Variants in OLFM3 observed in about 807,000 individuals in gnomAD.
OLFM3 encodes noelin-3.
OLFM3 carries 20 observed loss-of-function variants against 48.6 expected under a neutral mutation model. The ratio of observed to expected loss-of-function variants is 0.41; its 90% CI spans 0.29 to 0.60. The LOEUF (loss-of-function observed/expected upper bound fraction) is 0.60, where lower values mean the gene tolerates loss of function less well. OLFM3 is among the 20% of genes least tolerant of loss of function. The pLI is 0.28. For synonymous variants in OLFM3, 222 were observed against 198.1 expected (o/e 1.12, Z -1.01); for missense variants, 437 against 544.3 (o/e 0.80, Z 1.96).
chr1:101,919,093 A>C (rs902960221), intron 1 of OLFM3, among the ~76,000 whole-genome samples: 1 of 152,332 alleles, frequency 6.6e-6, no homozygotes, highest in African/African-American at 2.4e-5. Flanking sequence ...AAATCTTACT[A>C]TCAGAAAGCA....
chr1:101,827,657 T>G lies in OLFM3; in HGVS notation c.373-2412A>C, dbSNP rs145766454. Reference sequence around the variant, plus strand: ...GAAATAAATAAACTCCACAAATATATGTTGAGCACCTAATTATTATTATTT... The same window carrying G: ...GAAATAAATAAACTCCACAAATATAGGTTGAGCACCTAATTATTATTATTT... On this transcript the variant is annotated intron_variant, in intron 3 of 5. Coordinates refer to ENST00000370103, the MANE Select transcript of OLFM3 (RefSeq NM_058170.4). Among the ~76,000 whole-genome samples the G allele has an allele frequency of 2.4e-4, 36 of 152,328 alleles. 1 individual carries two copies. In the East Asian group the frequency reaches 6.6e-3, roughly 28 times the overall value.
At chr1:101,910,088 C>T (rs986264921) in intron 1 of OLFM3, 2 of 983,860 alleles carry the variant, frequency 2.0e-6, no homozygotes, top group Non-Finnish European at 2.4e-6. Flanking sequence ...TCTTCATATC[C>T]CTTGTCTCAG....
chr1:101,886,310 A>G (rs1393189561), intron 1 of OLFM3, among the ~76,000 whole-genome samples: 1 of 152,086 alleles, frequency 6.6e-6, no homozygotes, highest in Non-Finnish European at 1.5e-5. Flanking sequence ...AAGTTAACTA[A>G]TACTTAATTT....
At chr1:101,847,196 A>T (rs1656039663) in intron 1 of OLFM3, 1 of 307,650 alleles carries the variant, frequency 3.3e-6, no homozygotes, top group African/African-American at 2.3e-5. Context: ...TGGATCATCA[A>T]ACAAAATATT....
chr1:101,916,847 G>A (rs113497929), intron 1 of OLFM3, among the ~76,000 whole-genome samples: 5 of 152,204 alleles, frequency 3.3e-5, no homozygotes, highest in African/African-American at 7.2e-5. Flanking sequence ...GGGGATAGAC[G>A]TATGAGCGAA....
intron 1 of OLFM3, among the ~76,000 whole-genome samples, chr1:101,921,500 T>C (rs1659094071): frequency 6.6e-6 from 1 of 151,956 alleles, no homozygotes; most frequent in Admixed American, 6.6e-5. Context: ...GTAGGCTCCT[T>C]GAGAGGAGGA....
intron 4 of OLFM3, among the ~76,000 whole-genome samples, chr1:101,807,874 T>C (rs1000640906): frequency 2.6e-5 from 4 of 151,816 alleles, no homozygotes; most frequent in African/African-American, 4.8e-5. Flanking sequence ...CTATTTAGAA[T>C]ATATAAGCTC....
chr1:101,895,703 G>A (rs1303475463), intron 1 of OLFM3, among the ~76,000 whole-genome samples: 1 of 151,976 alleles, frequency 6.6e-6, no homozygotes, highest in Non-Finnish European at 1.5e-5. Flanking sequence ...ACTACTATTA[G>A]GCTGTTCAAT....
At chr1:101,975,243 C>G (rs1250209343) in intron 1 of OLFM3, among the ~76,000 whole-genome samples, 1 of 152,140 alleles carries the variant, frequency 6.6e-6, no homozygotes, top group Non-Finnish European at 1.5e-5. Context: ...TAAAGTGACA[C>G]AGTAACACAC....
chr1:101,846,912 C>T (rs751476626), intron 1 of OLFM3: 3 of 1,612,716 alleles, frequency 1.9e-6, no homozygotes, highest in East Asian at 4.5e-5. Flanking sequence ...TTGGGACATC[C>T]AGTTTGAGAT....
chr1:101,877,826 C>T (rs1657362450), intron 1 of OLFM3, among the ~76,000 whole-genome samples: 1 of 151,110 alleles, frequency 6.6e-6, no homozygotes, highest in Non-Finnish European at 1.5e-5. Context: ...TTTATTTATA[C>T]AACATATTTT....
chr1:101,938,358 A>G (rs1659686043), intron 1 of OLFM3, among the ~76,000 whole-genome samples: 1 of 152,190 alleles, frequency 6.6e-6, no homozygotes, highest in African/African-American at 2.4e-5. Context: ...CTGAGTTTCT[A>G]TCCTGGTGAA....
At chr1:101,923,284 C>T (rs1016480514) in intron 1 of OLFM3, among the ~76,000 whole-genome samples, 2 of 152,154 alleles carry the variant, frequency 1.3e-5, no homozygotes, top group Non-Finnish European at 1.5e-5. Flanking sequence ...TATTTGCTCC[C>T]GAATATAATA....
intron 2 of OLFM3, among the ~76,000 whole-genome samples, chr1:101,834,982 C>A (rs1055762140): frequency 6.6e-6 from 1 of 152,036 alleles, no homozygotes; most frequent in African/African-American, 2.4e-5. Flanking sequence ...GACATTTATA[C>A]TTTATTTTAA....
chr1:101,952,573 T>C (rs2101073163), intron 1 of OLFM3, among the ~76,000 whole-genome samples: 1 of 152,182 alleles, frequency 6.6e-6, no homozygotes, highest in South Asian at 2.1e-4. Context: ...TGTGTATATG[T>C]ATTGCATATG....
At chr1:101,850,204 G>A (rs940273168) in intron 1 of OLFM3, among the ~76,000 whole-genome samples, 6 of 152,012 alleles carry the variant, frequency 3.9e-5, no homozygotes, top group African/African-American at 1.4e-4. Context: ...CACAAAAAAT[G>A]TGACCTGACT....
chr1:101,978,587 C>CACTT (rs1661017599), intron 1 of OLFM3, among the ~76,000 whole-genome samples: 1 of 152,062 alleles, frequency 6.6e-6, no homozygotes, highest in Non-Finnish European at 1.5e-5. Flanking sequence ...TTATGCCATT[C>CACTT]ACTTACTTTT....
rs563998355 is a variant in OLFM3 at position 101,923,799 on chromosome 1, C to T, written c.69+72949G>A. On this transcript the variant is annotated intron_variant, in intron 1 of 5. Coordinates refer to ENST00000370103, the MANE Select transcript of OLFM3 (RefSeq NM_058170.4). ...AGACAGTTACAGTTACAGTGGTTTC[C>T]CTTCAATAGGTTGGGACTGTGTTTT... Among the ~76,000 whole-genome samples the T allele has an allele frequency of 2.0e-5, 3 of 152,070 alleles. No homozygotes were observed. In the East Asian group the frequency reaches 5.8e-4, roughly 29 times the overall value.
At chr1:101,938,249 C>G (rs1297329456) in intron 1 of OLFM3, among the ~76,000 whole-genome samples, 1 of 152,182 alleles carries the variant, frequency 6.6e-6, no homozygotes, top group Non-Finnish European at 1.5e-5. Flanking sequence ...AGCCCTCTCT[C>G]TATAATCTAT....
Sources: gnomAD v4.1 joint callset for allele counts (sites outside exome capture counted in the v4.1 genomes callset) on GRCh38, gnomAD v4.1.1 for gene constraint, MANE v1.5 for transcripts, NCBI Gene and HGNC (gene_info 2026-07-23, HGNC 2026-07-21) for gene names.